Variants in ANKS1B observed in about 807,000 individuals in gnomAD.
ANKS1B encodes ankyrin repeat and sterile alpha motif domain-containing protein 1B.
In ANKS1B, 36 loss-of-function variants were observed where a neutral mutation model predicts 148.3. The observed-to-expected ratio is 0.24, with a 90% CI of 0.19 to 0.32. The LOEUF (loss-of-function observed/expected upper bound fraction) is 0.32, where lower values mean the gene tolerates loss of function less well. ANKS1B is among the 10% of genes least tolerant of loss of function. The pLI, the probability that ANKS1B is intolerant of heterozygous loss-of-function variation, is 1.00. For missense variants in ANKS1B, 1,157 were observed against 1,542.6 expected, an observed-to-expected ratio of 0.75 and a Z score of 4.19; for synonymous variants, 542 against 560.8, an observed-to-expected ratio of 0.97 and a Z score of 0.47.
chr12:99,583,250 C>G (rs1352357380), intron 9 of ANKS1B, among the ~76,000 whole-genome samples: 2 of 152,074 alleles, frequency 1.3e-5, no homozygotes, highest in Non-Finnish European at 2.9e-5. Context: ...AGAGTAACAA[C>G]ACAACTGATT....
intron 9 of ANKS1B, among the ~76,000 whole-genome samples, chr12:99,598,339 G>A (rs900641134): frequency 6.6e-6 from 1 of 151,978 alleles, no homozygotes; most frequent in African/African-American, 2.4e-5. Context: ...ATACAGTACC[G>A]TAAAAGCAGC....
chr12:99,068,413 A>G (rs572923187), intron 16 of ANKS1B, among the ~76,000 whole-genome samples: 2 of 152,304 alleles, frequency 1.3e-5, no homozygotes, highest in African/African-American at 4.8e-5. Context: ...AACTTAACAT[A>G]AATTACTAGG....
At chr12:99,602,091 CAGG>C (rs2097804903) in intron 9 of ANKS1B, among the ~76,000 whole-genome samples, 1 of 151,968 alleles carries the variant, frequency 6.6e-6, no homozygotes, top group African/African-American at 2.4e-5. Flanking sequence ...ATAAAAAGGG[CAGG>C]AGAAGGTCAG....
At chr12:99,274,390 T>C (rs2077431930) in intron 12 of ANKS1B, among the ~76,000 whole-genome samples, 1 of 152,198 alleles carries the variant, frequency 6.6e-6, no homozygotes, top group Non-Finnish European at 1.5e-5. Context: ...GCACTTTCAA[T>C]AATCTGCCTG....
chr12:99,964,679 TA>T (rs1378412969), intron 1 of ANKS1B, among the ~76,000 whole-genome samples: 2 of 152,186 alleles, frequency 1.3e-5, no homozygotes, highest in Non-Finnish European at 2.9e-5. Flanking sequence ...GGGATGTCAG[TA>T]TCCAAACAGA....
At chr12:99,279,033 A>G (rs1303520247) in intron 12 of ANKS1B, among the ~76,000 whole-genome samples, 4 of 152,040 alleles carry the variant, frequency 2.6e-5, no homozygotes, top group African/African-American at 4.8e-5. Flanking sequence ...TTGTGTTTCC[A>G]TTTTCAGGTC....
chr12:99,521,932 A>G (rs1484724481), intron 9 of ANKS1B, among the ~76,000 whole-genome samples: 1 of 152,204 alleles, frequency 6.6e-6, no homozygotes, highest in Admixed American at 6.5e-5. Flanking sequence ...ATCAGCAGGT[A>G]GCAAAGCCAG....
intron 17 of ANKS1B, among the ~76,000 whole-genome samples, chr12:98,840,932 T>C (rs2099402674): frequency 6.6e-6 from 1 of 152,138 alleles, no homozygotes; most frequent in Non-Finnish European, 1.5e-5. Flanking sequence ...AAATGGGAAG[T>C]ATGTGCAACA....
chr12:99,673,572 T>C (rs915938228), intron 8 of ANKS1B, among the ~76,000 whole-genome samples: 1 of 152,106 alleles, frequency 6.6e-6, no homozygotes, highest in East Asian at 1.9e-4. Flanking sequence ...AGGTACAAGG[T>C]TATAACTCAA....
intron 14 of ANKS1B, among the ~76,000 whole-genome samples, chr12:99,165,930 A>G (rs1324991223): frequency 6.6e-6 from 1 of 151,918 alleles, no homozygotes; most frequent in Non-Finnish European, 1.5e-5. Flanking sequence ...ATGATACAAT[A>G]TGACTAAGTG....
intron 8 of ANKS1B, among the ~76,000 whole-genome samples, chr12:99,675,291 AAAT>A (rs1213795398): frequency 6.6e-6 from 1 of 152,048 alleles, no homozygotes; most frequent in Non-Finnish European, 1.5e-5. Flanking sequence ...ATATAAAAGC[AAAT>A]AATTGAAAAC....
At chr12:99,310,848 T>C (rs1033988036) in intron 12 of ANKS1B, among the ~76,000 whole-genome samples, 3 of 152,194 alleles carry the variant, frequency 2.0e-5, no homozygotes, top group African/African-American at 2.4e-5. Flanking sequence ...ATATAAACTC[T>C]ATAGCCAGAT....
intron 15 of ANKS1B, among the ~76,000 whole-genome samples, chr12:99,085,828 G>A (rs907058815): frequency 6.6e-6 from 1 of 152,068 alleles, no homozygotes; most frequent in East Asian, 1.9e-4. Context: ...ACACACGGAC[G>A]TAGAGGGGAA....
At chr12:98,959,609 C>T (rs903554696) in intron 17 of ANKS1B, among the ~76,000 whole-genome samples, 2 of 152,192 alleles carry the variant, frequency 1.3e-5, no homozygotes, top group South Asian at 2.1e-4. Flanking sequence ...AAAAAAGCAC[C>T]TTCATAAGAA....
At chr12:98,756,875 C>G (rs1298414005) in intron 25 of ANKS1B, among the ~76,000 whole-genome samples, 1 of 151,308 alleles carries the variant, frequency 6.6e-6, no homozygotes, top group African/African-American at 2.4e-5. Flanking sequence ...TTACAGGCGC[C>G]CACCACCACG....
chr12:99,816,154 C>A (rs2069103307), intron 2 of ANKS1B, among the ~76,000 whole-genome samples: 1 of 151,540 alleles, frequency 6.6e-6, no homozygotes, highest in Admixed American at 6.6e-5. Context: ...CTATTGTTTT[C>A]TTTTTTTACT....
At chr12:99,597,365 TATGA>T (rs2097767021) in intron 9 of ANKS1B, among the ~76,000 whole-genome samples, 1 of 151,978 alleles carries the variant, frequency 6.6e-6, no homozygotes, top group South Asian at 2.1e-4. Flanking sequence ...CATTTTCCCT[TATGA>T]ATGAAGAATT....
intron 17 of ANKS1B, among the ~76,000 whole-genome samples, chr12:99,013,299 A>G (rs1482060380): frequency 2.0e-5 from 3 of 152,158 alleles, no homozygotes; most frequent in Non-Finnish European, 4.4e-5. Context: ...AGCATTTCCT[A>G]TGTCTTAAGA....
chr12:99,923,812 C>T (rs2094423352), intron 1 of ANKS1B, among the ~76,000 whole-genome samples: 1 of 152,038 alleles, frequency 6.6e-6, no homozygotes, highest in Admixed American at 6.6e-5. Flanking sequence ...CTGGTAAACT[C>T]ATTATGGGCA....
Sources: allele counts gnomAD v4.1 joint callset (sites outside exome capture counted in the v4.1 genomes callset), GRCh38; gene constraint gnomAD v4.1.1; transcripts MANE v1.5; gene names NCBI Gene and HGNC (gene_info 2026-07-23, HGNC 2026-07-21).